JMJD1C: variants seen among roughly 807,000 people sequenced by gnomAD.
JMJD1C encodes the protein jumonji domain containing 1C.
In JMJD1C, 31 loss-of-function variants were observed where a neutral mutation model predicts 245.3. The ratio of observed to expected loss-of-function variants is 0.13; its 90% CI spans 0.09 to 0.17. JMJD1C has a LOEUF of 0.17. Among genes scored for constraint, JMJD1C ranks in the 10% least tolerant of loss-of-function variants. The probability of loss-of-function intolerance (pLI) is 1.00; values close to 1 mark genes in which losing one functional copy is unlikely to be tolerated. For missense variants in JMJD1C, 2,691 were observed against 3,000.2 expected (o/e 0.90, Z 2.41); for synonymous variants, 1,057 against 1,017.4 (o/e 1.04, Z -0.74).
At chr10:63,463,224 G>C (rs1216221911) in intron 1 of JMJD1C, among the ~76,000 whole-genome samples, 1 of 152,052 alleles carries the variant, frequency 6.6e-6, no homozygotes, top group African/African-American at 2.4e-5. Flanking sequence ...GAGTGCAGTG[G>C]CATAATCTTG....
Position 63,207,482 on chromosome 10 carries a change from G to A in JMJD1C, c.4187C>T (p.Thr1396Met), listed in dbSNP as rs774123043. The A allele has an allele frequency of 2.3e-5, 37 of 1,614,062 alleles. No homozygotes were observed. Among genetic ancestry groups the A allele is most frequent in the South Asian group, 7.7e-5 (7 of 91,090 alleles). The change falls in exon 10 of 26, where the codon ACG becomes ATG. Residue 1396 changes from threonine to methionine, a missense_variant. Around this residue, in one of 9 missense-constraint regions of JMJD1C, gnomAD observed 1,562 missense variants for 1,490.7 expected, o/e 1.05. Coordinates refer to ENST00000399262, the MANE Select transcript of JMJD1C (RefSeq NM_032776.3). ...ATCGGCAGCAGATGTGATTACATCC[G>A]TTTTGGTATTACACATCGTATTTAC... ...SAVNTMCNTK[T>M]DVITSAADTT...
At chr10:63,325,636 T>C (rs1941417027) in intron 2 of JMJD1C, among the ~76,000 whole-genome samples, 2 of 151,254 alleles carry the variant, frequency 1.3e-5, no homozygotes, top group Admixed American at 6.6e-5. Context: ...ATACAACTGA[T>C]TAGATATCTA....
chr10:63,519,940 C>T (rs974613737), intron 1 of JMJD1C, among the ~76,000 whole-genome samples: 16 of 152,270 alleles, frequency 1.1e-4, no homozygotes, highest in Non-Finnish European at 1.0e-4. Flanking sequence ...AAAACTGGTG[C>T]TTATGCAGCA....
At chr10:63,521,558 A>G in intron 1 of JMJD1C, 1 of 1,418,796 alleles carries the variant, frequency 7.0e-7, no homozygotes, top group Non-Finnish European at 9.3e-7. Flanking sequence ...GGTGTCCTGG[A>G]TGATCTCCAG....
intron 1 of JMJD1C, among the ~76,000 whole-genome samples, chr10:63,408,119 A>C (rs1252823109): frequency 6.6e-6 from 1 of 152,064 alleles, no homozygotes; most frequent in Non-Finnish European, 1.5e-5. Context: ...AACAGATAAA[A>C]ATCACCTGGT....
At chr10:63,519,241 G>C (rs772216299) in intron 1 of JMJD1C, among the ~76,000 whole-genome samples, 2 of 152,182 alleles carry the variant, frequency 1.3e-5, no homozygotes, top group Non-Finnish European at 2.9e-5. Flanking sequence ...ACATTTCAGA[G>C]AGCAGCCAGC....
intron 10 of JMJD1C, among the ~76,000 whole-genome samples, chr10:63,205,542 T>G (rs1846501495): frequency 6.6e-6 from 1 of 152,180 alleles, no homozygotes; most frequent in East Asian, 1.9e-4. Context: ...AGCGTTGTGT[T>G]GGGCATTATA....
At chr10:63,261,901 T>C (rs1222284621) in intron 3 of JMJD1C, among the ~76,000 whole-genome samples, 3 of 152,128 alleles carry the variant, frequency 2.0e-5, no homozygotes, top group Admixed American at 6.6e-5. Context: ...CAAAGCATCA[T>C]TTCTGGAAAT....
In JMJD1C at chr10:63,214,124, T is replaced by C. The variant is rs1453196790; in HGVS notation, c.2043A>G (p.Leu681=). Residue 681 remains leucine (L), a synonymous_variant, in exon 8 of 26, where the codon CTA becomes CTG. Coordinates refer to ENST00000399262, the MANE Select transcript of JMJD1C (RefSeq NM_032776.3). ...RRLANKIEHE[L]SRCSFHPIPT... is the part of the protein sequence containing the mutation. ...GAATTGGATGAAAACTGCATCTTGA[T>C]AGCTCATGTTCTATCTTATTTGCCA... 6.2e-7 allele frequency: 1 copy of C among 1,614,246 alleles called. No homozygotes were observed. The highest frequency in any genetic ancestry group is 1.7e-5 in the Admixed American group (1 of 60,026).
chr10:63,484,236 G>GGATGGATGGATGGATAGATAGATA (rs1416097314), intron 1 of JMJD1C, among the ~76,000 whole-genome samples: 9 of 92,750 alleles, frequency 9.7e-5, no homozygotes, highest in African/African-American at 2.8e-4. Flanking sequence ...ATGGATGGAT[G>GGATGGATGGATGGATAGATAGATA]GATAGATAGA....
rs1356671549 is a variant in JMJD1C at position 63,474,454 on chromosome 10, G to GT, written n.113+47283dup. On this transcript the variant is annotated intron_variant and non_coding_transcript_variant, in intron 1 of 3. Transcript: ENST00000633035. ...AGAAATAAAAACACCTTTTTTTTTT[G>GT]TTTTTTTTTGAGACAGGGTCTCACT... Among the ~76,000 whole-genome samples the GT allele has an allele frequency of 5.0e-4, 73 of 146,508 alleles. 1 individual carries two copies. Among genetic ancestry groups the GT allele is most frequent in the South Asian group, 2.6e-3 (12 of 4,598 alleles).
chr10:63,184,888 A>G (rs1843938346), intron 20 of JMJD1C, 150 bp from the exon 21 acceptor site: 1 of 677,820 alleles, frequency 1.5e-6, no homozygotes, highest in Non-Finnish European at 2.4e-6. Context: ...ACTGACTAAA[A>G]TAGCAATTCT....
At chr10:63,311,312 G>T (rs1424535562) in intron 2 of JMJD1C, among the ~76,000 whole-genome samples, 1 of 152,060 alleles carries the variant, frequency 6.6e-6, no homozygotes, top group Non-Finnish European at 1.5e-5. Context: ...CCAAGAAGTG[G>T]AGGTTGCAGT....
intron 2 of JMJD1C, among the ~76,000 whole-genome samples, chr10:63,376,237 T>TA (rs1012890418): frequency 1.3e-5 from 2 of 152,078 alleles, no homozygotes; most frequent in African/African-American, 4.8e-5. Flanking sequence ...CATCTACACG[T>TA]AAAAAAAAGC....
chr10:63,336,575 A>C (rs1942755894), intron 2 of JMJD1C, among the ~76,000 whole-genome samples: 1 of 152,210 alleles, frequency 6.6e-6, no homozygotes, highest in South Asian at 2.1e-4. Context: ...GATACTTTAA[A>C]ATCTATAGAA....
chr10:63,410,942 T>C (rs887501370), intron 1 of JMJD1C, among the ~76,000 whole-genome samples: 22 of 152,338 alleles, frequency 1.4e-4, no homozygotes, highest in African/African-American at 4.3e-4. Flanking sequence ...GAAAGACAAG[T>C]AAATCTTGTT....
At chr10:63,197,242 T>C (rs889391410) in intron 13 of JMJD1C, among the ~76,000 whole-genome samples, 169 bp downstream of exon 13, 4 of 151,270 alleles carry the variant, frequency 2.6e-5, no homozygotes, top group Admixed American at 2.0e-4. Context: ...CTAGAAAATA[T>C]AGCCGTTAAT....
chr10:63,194,421 T>C (rs746504929), intron 13 of JMJD1C, 46 bp from the exon 14 acceptor site: 3 of 1,223,818 alleles, frequency 2.5e-6, no homozygotes, highest in South Asian at 2.4e-5. Flanking sequence ...GTTTCATAAT[T>C]ATAAATTGAT....
intron 1 of JMJD1C, among the ~76,000 whole-genome samples, chr10:63,432,569 A>G (rs1950821002): frequency 6.6e-6 from 1 of 152,366 alleles, no homozygotes. Context: ...AAAGACCAAG[A>G]GAACAACAGC....
Sources: allele counts gnomAD v4.1 joint callset (sites outside exome capture counted in the v4.1 genomes callset), GRCh38; gene constraint gnomAD v4.1.1; regional missense constraint gnomAD v4.1.1; transcripts MANE v1.5; gene names NCBI Gene and HGNC (gene_info 2026-07-23, HGNC 2026-07-21).